CTNNA3: variants seen among roughly 807,000 people sequenced by gnomAD.
CTNNA3 encodes the protein catenin alpha 3.
CTNNA3 carries 76 observed loss-of-function variants against 95.7 expected under a neutral mutation model. That is an observed-to-expected ratio of 0.79 (90% CI 0.66 to 0.96). CTNNA3 has a LOEUF of 0.96. Ranked by LOEUF, CTNNA3 falls within the 40% of genes least tolerant of loss-of-function variation. The probability of loss-of-function intolerance (pLI) is 0.00; values close to 1 mark genes in which losing one functional copy is unlikely to be tolerated. For synonymous variants in CTNNA3, 431 were observed against 374.4 expected (o/e 1.15, Z -1.74); for missense variants, 1,191 against 1,089.8 (o/e 1.09, Z -1.31).
At chr10:67,720,128 G>GTTTTTTTTTT (rs1564839853) in intron 1 of CTNNA3, among the ~76,000 whole-genome samples, 1 of 2,660 alleles carries the variant, frequency 3.8e-4, no homozygotes, top group Non-Finnish European at 1.2e-3. Flanking sequence ...TGCAACCCCT[G>GTTTTTTTTTT]CTTTTTTTTT....
intron 5 of CTNNA3, among the ~76,000 whole-genome samples, chr10:67,455,956 T>C (rs1158181256): frequency 6.6e-6 from 1 of 152,146 alleles, no homozygotes; most frequent in African/African-American, 2.4e-5. Context: ...AAATGTATCA[T>C]AGCAATATAA....
At chr10:67,607,351 AGT>A (rs1843312322) in intron 2 of CTNNA3, among the ~76,000 whole-genome samples, 1 of 148,948 alleles carries the variant, frequency 6.7e-6, no homozygotes, top group African/African-American at 2.6e-5. Flanking sequence ...GAGAGACGAT[AGT>A]GTTATTTGTT....
intron 12 of CTNNA3, among the ~76,000 whole-genome samples, chr10:66,317,956 T>G (rs2092124215): frequency 6.6e-6 from 1 of 152,048 alleles, no homozygotes; most frequent in African/African-American, 2.4e-5. Context: ...ATTAAATAAG[T>G]GCATGCCAGC....
At chr10:67,138,746 G>GA (rs1387327270) in intron 7 of CTNNA3, among the ~76,000 whole-genome samples, 7 of 151,546 alleles carry the variant, frequency 4.6e-5, no homozygotes, top group African/African-American at 7.3e-5. Flanking sequence ...TGGGTTTTTT[G>GA]AAAAAAAATA....
chr10:67,352,824 C>G (rs1842682126), intron 5 of CTNNA3, among the ~76,000 whole-genome samples: 1 of 152,048 alleles, frequency 6.6e-6, no homozygotes, highest in African/African-American at 2.4e-5. Context: ...GTAGCACTTT[C>G]TTTCCTCTCT....
At chr10:66,253,346 C>G (rs2090633427) in intron 13 of CTNNA3, among the ~76,000 whole-genome samples, 1 of 151,290 alleles carries the variant, frequency 6.6e-6, no homozygotes, top group Non-Finnish European at 1.5e-5. Flanking sequence ...CTGCAGGCCT[C>G]TTCTTTGTTT....
intron 11 of CTNNA3, among the ~76,000 whole-genome samples, chr10:66,391,199 A>G (rs1042684811): frequency 6.6e-6 from 1 of 152,044 alleles, no homozygotes; most frequent in Non-Finnish European, 1.5e-5. Context: ...ACTTTTGAAA[A>G]TTATTGAAAG....
chr10:67,711,796 G>A (rs973740089), intron 1 of CTNNA3, among the ~76,000 whole-genome samples: 2 of 135,854 alleles, frequency 1.5e-5, no homozygotes, highest in African/African-American at 5.6e-5. Flanking sequence ...ATGTGATCTC[G>A]TTGTTCAATT....
chr10:67,623,030 CTA>C (rs1310689280), intron 2 of CTNNA3, among the ~76,000 whole-genome samples: 3 of 152,138 alleles, frequency 2.0e-5, no homozygotes, highest in Non-Finnish European at 2.9e-5. Context: ...CAAGAACACT[CTA>C]TGTGTGCAGA....
At chr10:66,508,210 G>GTTTGTTTTTT (rs1840525249) in intron 11 of CTNNA3, among the ~76,000 whole-genome samples, 1 of 108,424 alleles carries the variant, frequency 9.2e-6, no homozygotes, top group African/African-American at 3.5e-5. Flanking sequence ...TTTGTTTTCT[G>GTTTGTTTTTT]TTTTTTTTTT....
intron 13 of CTNNA3, among the ~76,000 whole-genome samples, chr10:66,257,154 C>T (rs1377401829): frequency 1.3e-5 from 2 of 152,274 alleles, no homozygotes; most frequent in Admixed American, 1.3e-4. Flanking sequence ...CTCTAGATGA[C>T]TGATGGGGCC....
intron 10 of CTNNA3, among the ~76,000 whole-genome samples, chr10:66,574,243 G>GA (rs1384586501): frequency 6.6e-5 from 10 of 151,720 alleles, no homozygotes; most frequent in Non-Finnish European, 1.2e-4. Flanking sequence ...AAGAAAGGAA[G>GA]AAAAAAGGAA....
chr10:67,130,912 A>G (rs1859969485), intron 7 of CTNNA3, among the ~76,000 whole-genome samples: 1 of 152,084 alleles, frequency 6.6e-6, no homozygotes, highest in South Asian at 2.1e-4. Context: ...CATTTTGGAC[A>G]GGCATCAAGA....
chr10:66,506,064 T>C (rs543355690), intron 11 of CTNNA3, among the ~76,000 whole-genome samples: 6 of 152,194 alleles, frequency 3.9e-5, no homozygotes, highest in East Asian at 3.9e-4. Flanking sequence ...AGCCAGCATG[T>C]AGAGATTACT....
chr10:67,434,068 T>G (rs979698281), intron 5 of CTNNA3, among the ~76,000 whole-genome samples: 24 of 152,062 alleles, frequency 1.6e-4, no homozygotes, highest in Admixed American at 1.3e-3. Context: ...GAACCACATA[T>G]TAGTCTTTCT....
At chr10:65,937,213 A>C (rs4746537) in intron 17 of CTNNA3, among the ~76,000 whole-genome samples, 4,841 of 152,196 alleles carry the variant, frequency 0.032, 95 homozygotes, top group Non-Finnish European at 0.048. Context: ...CCATTGAAAT[A>C]GCCTCCCATT....
At chr10:67,727,685 T>C (rs1348168996) in intron 1 of CTNNA3, among the ~76,000 whole-genome samples, 5 of 127,866 alleles carry the variant, frequency 3.9e-5, no homozygotes, top group African/African-American at 1.2e-4. Context: ...TATAAATATA[T>C]AATATATAAT....
chr10:66,222,929 T>G (rs1366050417), intron 13 of CTNNA3, among the ~76,000 whole-genome samples: 4 of 152,160 alleles, frequency 2.6e-5, no homozygotes, highest in African/African-American at 7.2e-5. Context: ...TTTTTTAAAG[T>G]TGCTTTGTAA....
chr10:66,964,548 C>A (rs1477974404), intron 7 of CTNNA3, among the ~76,000 whole-genome samples: 1 of 152,112 alleles, frequency 6.6e-6, no homozygotes, highest in African/African-American at 2.4e-5. Flanking sequence ...GGAGAAACCT[C>A]ACTTTAGACC....
Sources: gnomAD v4.1 joint callset for allele counts (sites outside exome capture counted in the v4.1 genomes callset) on GRCh38, gnomAD v4.1.1 for gene constraint, MANE v1.5 for transcripts, NCBI Gene and HGNC (gene_info 2026-07-23, HGNC 2026-07-21) for gene names.